Variants in PITPNB observed in about 807,000 individuals in gnomAD.
PITPNB encodes phosphatidylinositol transfer protein beta isoform.
PITPNB carries 16 observed loss-of-function variants against 45.9 expected under a neutral mutation model. That is an observed-to-expected ratio of 0.35 (90% CI 0.24 to 0.53). The LOEUF (loss-of-function observed/expected upper bound fraction) is 0.53, where lower values mean the gene tolerates loss of function less well. PITPNB is among the 20% of genes least tolerant of loss of function. The pLI, the probability that PITPNB is intolerant of heterozygous loss-of-function variation, is 0.93. For missense variants in PITPNB, 188 were observed against 330.5 expected (o/e 0.57, Z 3.34); for synonymous variants, 112 against 108.9 (o/e 1.03, Z -0.18).
intron 3 of PITPNB, among the ~76,000 whole-genome samples, chr22:27,907,852 T>A (rs1025340318): frequency 1.3e-5 from 2 of 152,002 alleles, no homozygotes; most frequent in African/African-American, 2.4e-5. Flanking sequence ...AGGTACAATA[T>A]GAATATTGTC....
At chr22:27,898,657 T>A (rs527995006) in intron 3 of PITPNB, among the ~76,000 whole-genome samples, 1 of 152,024 alleles carries the variant, frequency 6.6e-6, no homozygotes, top group Non-Finnish European at 1.5e-5. Flanking sequence ...AAAATGACAA[T>A]GTAAAGGACC....
chr22:27,882,412 C>G (rs1353121242), intron 7 of PITPNB, among the ~76,000 whole-genome samples: 1 of 152,196 alleles, frequency 6.6e-6, no homozygotes, highest in Non-Finnish European at 1.5e-5. Flanking sequence ...AAAACAGGTA[C>G]TGGCTTAGTA....
chr22:27,860,772 A>C (rs1354054970), intron 8 of PITPNB, among the ~76,000 whole-genome samples: 2 of 152,224 alleles, frequency 1.3e-5, no homozygotes, highest in Non-Finnish European at 2.9e-5. Context: ...ATTTGGAGGT[A>C]AATCCTATAC....
chr22:27,871,701 G>GTA (rs1286645393), intron 8 of PITPNB, among the ~76,000 whole-genome samples: 1 of 152,200 alleles, frequency 6.6e-6, no homozygotes, highest in African/African-American at 2.4e-5. Context: ...TTTATAAGTG[G>GTA]TATATATCAC....
intron 8 of PITPNB, among the ~76,000 whole-genome samples, chr22:27,863,107 A>G (rs1315137643): frequency 6.6e-6 from 1 of 152,204 alleles, no homozygotes; most frequent in Non-Finnish European, 1.5e-5. Context: ...CTCATATGCA[A>G]TACAACTTGG....
chr22:27,865,839 C>T (rs1327318917), intron 8 of PITPNB, among the ~76,000 whole-genome samples: 1 of 152,044 alleles, frequency 6.6e-6, no homozygotes, highest in African/African-American at 2.4e-5. Flanking sequence ...TTCACATGTA[C>T]CCCCAAACCT....
In PITPNB at chr22:27,853,443, C is replaced by G; in HGVS notation, c.*259G>C. On this transcript the variant is annotated 3_prime_UTR_variant, in exon 12 of 12. Transcript: ENST00000335272. ...GTATGTCTGTATGTACATATATACA[C>G]AAGTGTGTGTATCTGGATCTGTAGC... The G allele has an allele frequency of 1.6e-6, 1 of 610,764 alleles. No individual in the cohort carries two copies. Among genetic ancestry groups the G allele is most frequent in the Non-Finnish European group, 3.0e-6 (1 of 338,582 alleles). The allele number at this position is 610,764 out of a possible 1,614,324, so 37.8% of individuals were successfully genotyped here.
chr22:27,854,946 G>A lies in PITPNB; in HGVS notation c.769-7C>T, dbSNP rs1232265553. ...CGGAACCCCTCTTACGCATCTAAAC[G>A]TAAAATAAAATTGTGAGCTGCTGAA... On this transcript the variant is annotated splice_region_variant and splice_polypyrimidine_tract_variant and intron_variant, in intron 10 of 11. Coordinates refer to ENST00000335272, the MANE Select transcript of PITPNB (RefSeq NM_012399.5). 5.9e-5 allele frequency: 95 copies of A among 1,609,010 alleles called. 1 individual carries two copies. The highest frequency in any genetic ancestry group is 3.2e-4 in the South Asian group (29 of 90,934).
chr22:27,902,372 C>G (rs952221273), intron 3 of PITPNB, among the ~76,000 whole-genome samples: 1 of 152,098 alleles, frequency 6.6e-6, no homozygotes, highest in African/African-American at 2.4e-5. Flanking sequence ...ATGGGCCCCA[C>G]CTTATACGTC....
chr22:27,902,194 C>T (rs1935615306), intron 3 of PITPNB, among the ~76,000 whole-genome samples: 1 of 152,052 alleles, frequency 6.6e-6, no homozygotes, highest in Admixed American at 6.5e-5. Flanking sequence ...AATAATATTA[C>T]AGCAGTGATC....
intron 7 of PITPNB, among the ~76,000 whole-genome samples, chr22:27,887,329 C>T (rs1249362836): frequency 6.6e-6 from 1 of 152,062 alleles, no homozygotes; most frequent in Admixed American, 6.5e-5. Context: ...TAGTACAGGC[C>T]CAGACATGAT....
chr22:27,909,700 A>T (rs1040666788), intron 3 of PITPNB, among the ~76,000 whole-genome samples: 1 of 152,190 alleles, frequency 6.6e-6, no homozygotes, highest in African/African-American at 2.4e-5. Context: ...TCCTCCCAGC[A>T]ATCCTTTTAT....
intron 7 of PITPNB, among the ~76,000 whole-genome samples, chr22:27,874,025 T>C (rs1299985396): frequency 6.6e-6 from 1 of 152,218 alleles, no homozygotes; most frequent in Non-Finnish European, 1.5e-5. Flanking sequence ...GCTAAATAAC[T>C]ACATAATAAG....
chr22:27,908,664 G>C (rs576570297), intron 3 of PITPNB, among the ~76,000 whole-genome samples: 8 of 152,030 alleles, frequency 5.3e-5, no homozygotes, highest in African/African-American at 1.9e-4. Context: ...AAAAATGCTA[G>C]AAAAAGAAAG....
In PITPNB at chr22:27,909,392, G is replaced by A. The variant is rs927448928; in HGVS notation, c.197+1572C>T. ...GCATTTTTTGTTTTAAAATATTTAT[G>A]CCAAAGATACAGATTAGACTGCCAA... On this transcript the variant is annotated intron_variant, in intron 3 of 11. Coordinates refer to ENST00000335272, the MANE Select transcript of PITPNB (RefSeq NM_012399.5). 5.9e-5 allele frequency among the ~76,000 whole-genome samples: 9 copies of A among 151,680 alleles called. No homozygotes were observed. The South Asian group carries it at 1.5e-3, about 25-fold the overall frequency.
chr22:27,918,319 A>G (rs748371514), intron 1 of PITPNB, among the ~76,000 whole-genome samples: 8 of 152,152 alleles, frequency 5.3e-5, no homozygotes, highest in Non-Finnish European at 8.8e-5. Flanking sequence ...TTGAAAACCA[A>G]CGAATGGGCC....
At chr22:27,886,607 T>C (rs190283936) in intron 7 of PITPNB, among the ~76,000 whole-genome samples, 1 of 152,150 alleles carries the variant, frequency 6.6e-6, no homozygotes, top group Non-Finnish European at 1.5e-5. Context: ...TCTACAAGAG[T>C]GGTATACAAG....
At chr22:27,871,705 A>G (rs1020265093) in intron 8 of PITPNB, among the ~76,000 whole-genome samples, 3 of 152,244 alleles carry the variant, frequency 2.0e-5, no homozygotes, top group Non-Finnish European at 2.9e-5. Context: ...TAAGTGGTAT[A>G]TATCACTTTC....
chr22:27,893,493 C>G (rs972327724), intron 7 of PITPNB, among the ~76,000 whole-genome samples: 2 of 151,304 alleles, frequency 1.3e-5, no homozygotes, highest in African/African-American at 4.9e-5. Context: ...CCATGTTAGC[C>G]AGGATGGTCT....
Sources: gnomAD v4.1 joint callset for allele counts (sites outside exome capture counted in the v4.1 genomes callset) on GRCh38, gnomAD v4.1.1 for gene constraint, MANE v1.5 for transcripts, NCBI Gene and HGNC (gene_info 2026-07-23, HGNC 2026-07-21) for gene names.